ACTR3C: variants seen among roughly 807,000 people sequenced by gnomAD.
The protein encoded by ACTR3C is actin related protein 3C.
Under a neutral mutation model 26.3 loss-of-function variants are expected in ACTR3C, and 18 were observed. The ratio of observed to expected loss-of-function variants is 0.68; its 90% CI spans 0.47 to 1.01. ACTR3C has a LOEUF of 1.01. Ranked by LOEUF, ACTR3C falls within the 50% of genes least tolerant of loss-of-function variation. ACTR3C has a pLI of 0.00. For missense variants in ACTR3C, 184 were observed against 250.7 expected (o/e 0.73, Z 1.80); for synonymous variants, 55 against 94.5 (o/e 0.58, Z 2.42).
intron 1 of ACTR3C, among the ~76,000 whole-genome samples, chr7:150,300,373 A>C (rs890978508): frequency 6.6e-6 from 1 of 152,198 alleles, no homozygotes; most frequent in African/African-American, 2.4e-5. Context: ...CAACAAAAAA[A>C]GAAAGAACAA....
At chr7:150,082,945 T>C in the ACTR3C span, among the ~76,000 whole-genome samples, 1 of 94,858 alleles carries the variant, frequency 1.1e-5, no homozygotes, top group Non-Finnish European at 2.1e-5. Flanking sequence ...TTTTTTTTTT[T>C]TCTTTTTTTT....
intron 1 of ACTR3C, among the ~76,000 whole-genome samples, chr7:150,302,304 C>A (rs562649912): frequency 6.6e-6 from 1 of 152,350 alleles, no homozygotes; most frequent in South Asian, 2.1e-4. Context: ...GTGCTGACGG[C>A]AGTCTGAAAT....
At chr7:149,953,543 T>C in the ACTR3C span, among the ~76,000 whole-genome samples, 1 of 152,098 alleles carries the variant, frequency 6.6e-6, no homozygotes. Context: ...TGATAATTCA[T>C]GATTTGTTTA....
At chr7:150,305,436 T>C (rs1368987583) in intron 1 of ACTR3C, among the ~76,000 whole-genome samples, 5 of 152,034 alleles carry the variant, frequency 3.3e-5, no homozygotes, top group Non-Finnish European at 5.9e-5. Context: ...AACACAAAAC[T>C]GGCCACGTGG....
the ACTR3C span, among the ~76,000 whole-genome samples, chr7:150,197,691 T>C: frequency 6.6e-6 from 1 of 152,190 alleles, no homozygotes; most frequent in African/African-American, 2.4e-5. Context: ...CCCTACTGAG[T>C]GTCTCTACTT....
At chr7:150,131,437 T>A in the ACTR3C span, among the ~76,000 whole-genome samples, 126 of 151,898 alleles carry the variant, frequency 8.3e-4, no homozygotes, top group Admixed American at 4.1e-3. Flanking sequence ...AAAAAGCCGC[T>A]CTTCTGTTAA....
the ACTR3C span, among the ~76,000 whole-genome samples, chr7:150,229,572 C>T: frequency 1.3e-5 from 2 of 152,102 alleles, no homozygotes; most frequent in East Asian, 3.9e-4. Context: ...GCAACCTCCG[C>T]CTCCCACGTT....
chr7:150,254,592 T>C (rs2530993), intron 6 of ACTR3C, among the ~76,000 whole-genome samples: 1 of 152,196 alleles, frequency 6.6e-6, no homozygotes, highest in African/African-American at 2.4e-5. Flanking sequence ...ATCACCTGTG[T>C]TGATTACCTA....
At chr7:150,120,288 T>A in the ACTR3C span, among the ~76,000 whole-genome samples, 1 of 151,948 alleles carries the variant, frequency 6.6e-6, no homozygotes. Flanking sequence ...AATCAATGAA[T>A]CCAGGAGCTG....
Position 150,289,380 on chromosome 7 carries a change from C to T in ACTR3C, c.297+70G>A, listed in dbSNP as rs1836036178. On this transcript the variant is annotated intron_variant, in intron 4 of 7. Coordinates refer to ENST00000683684, the MANE Select transcript of ACTR3C (RefSeq NM_001164458.2). The stretch of plus-strand genomic sequence containing the variant: ...TGGAAAGGAGGGGCAGGGATGATGG[C>T]ACCAAGGGGAAGTGTCCAGAACACC... The T allele has an allele frequency of 8.8e-6, 13 of 1,478,314 alleles. 1 individual carries two copies. Among genetic ancestry groups the T allele is most frequent in the African/African-American group, 1.5e-5 (1 of 65,412 alleles). 91.6% of individuals were successfully genotyped at this position (1,478,314 alleles called of 1,614,324 possible). A position where few individuals can be genotyped will look rare whatever the true frequency, so the allele number is the denominator to read the frequency against.
At chr7:150,207,262 C>A in the ACTR3C span, among the ~76,000 whole-genome samples, 5 of 152,156 alleles carry the variant, frequency 3.3e-5, no homozygotes, top group Non-Finnish European at 7.4e-5. Context: ...CCTGACCAAC[C>A]AAAATGCTAC....
chr7:150,116,523 C>T, the ACTR3C span, among the ~76,000 whole-genome samples: 7 of 152,208 alleles, frequency 4.6e-5, no homozygotes, highest in African/African-American at 1.7e-4. Flanking sequence ...GTTTCTTGAA[C>T]TTTTAAATTA....
the ACTR3C span, among the ~76,000 whole-genome samples, chr7:149,922,035 T>A: frequency 6.8e-6 from 1 of 146,356 alleles, no homozygotes; most frequent in East Asian, 2.3e-4. Flanking sequence ...TTTGAATGGG[T>A]GCAGGTCTCC....
intron 6 of ACTR3C, among the ~76,000 whole-genome samples, chr7:150,268,286 T>C (rs1834201998): frequency 6.8e-6 from 1 of 148,048 alleles, no homozygotes; most frequent in Admixed American, 6.6e-5. Flanking sequence ...CAATATGCAC[T>C]ATACTTCCAG....
the ACTR3C span, among the ~76,000 whole-genome samples, chr7:149,905,395 T>C: frequency 6.6e-6 from 1 of 150,434 alleles, no homozygotes; most frequent in Non-Finnish European, 1.5e-5. Context: ...CCTATCTCCT[T>C]CACACCATAC....
the ACTR3C span, among the ~76,000 whole-genome samples, chr7:150,149,952 CA>C: frequency 1.3e-5 from 2 of 152,184 alleles, no homozygotes; most frequent in Non-Finnish European, 2.9e-5. Context: ...GATTTTCTAA[CA>C]AGCCACATGC....
intron 3 of ACTR3C, 24 bp downstream of exon 3, chr7:150,293,288 T>C (rs745992181): frequency 5.2e-6 from 8 of 1,548,776 alleles, no homozygotes. Context: ...CTACAGAGAC[T>C]TATATATTAA....
At chr7:149,885,491 G>C in the ACTR3C span, among the ~76,000 whole-genome samples, 1,222 of 152,344 alleles carry the variant, frequency 8.0e-3, 15 homozygotes, top group African/African-American at 0.028. Flanking sequence ...CCCGAGCCCA[G>C]TGGAACTTTG....
the ACTR3C span, among the ~76,000 whole-genome samples, chr7:149,977,151 T>C: frequency 1.3e-5 from 2 of 152,116 alleles, no homozygotes. Context: ...TTCACATTCA[T>C]CTACCTGTAT....
Sources: gnomAD v4.1 joint callset for allele counts (sites outside exome capture counted in the v4.1 genomes callset) on GRCh38, gnomAD v4.1.1 for gene constraint, MANE v1.5 for transcripts, NCBI Gene and HGNC (gene_info 2026-07-23, HGNC 2026-07-21) for gene names.